The following ZDHHC21 variants were observed in gnomAD, a reference collection of about 807,000 sequenced individuals.
ZDHHC21 encodes palmitoyltransferase ZDHHC21.
In ZDHHC21, 15 loss-of-function variants were observed where a neutral mutation model predicts 34.6. The observed-to-expected ratio is 0.43, with a 90% CI of 0.29 to 0.67. The LOEUF is 0.67. ZDHHC21 is among the 30% of genes least tolerant of loss of function. The pLI, the probability that ZDHHC21 is intolerant of heterozygous loss-of-function variation, is 0.14. For synonymous variants in ZDHHC21, 142 were observed against 101.8 expected (o/e 1.40, Z -2.38); for missense variants, 344 against 327.7 (o/e 1.05, Z -0.38).
At chr9:14,673,856 A>C (rs1253828237) in intron 4 of ZDHHC21, among the ~76,000 whole-genome samples, 1 of 152,072 alleles carries the variant, frequency 6.6e-6, no homozygotes, top group Admixed American at 6.6e-5. Context: ...TCTATTCTTA[A>C]AACATCTACA....
At chr9:14,601,752 T>G in the ZDHHC21 span, among the ~76,000 whole-genome samples, 1 of 152,140 alleles carries the variant, frequency 6.6e-6, no homozygotes, top group Admixed American at 6.5e-5. Context: ...AACCCAGTTG[T>G]GCATCAATGA....
intron 8 of ZDHHC21, among the ~76,000 whole-genome samples, chr9:14,627,640 G>T (rs370217427): frequency 6.6e-6 from 1 of 152,084 alleles, no homozygotes; most frequent in East Asian, 1.9e-4. Flanking sequence ...AAACAAAAAT[G>T]CTTGTATATA....
intron 8 of ZDHHC21, among the ~76,000 whole-genome samples, chr9:14,639,509 G>T (rs1229590783): frequency 2.6e-5 from 4 of 152,008 alleles, no homozygotes; most frequent in Non-Finnish European, 5.9e-5. Context: ...GACTTGAAAT[G>T]TTCCTAATAT....
intron 7 of ZDHHC21, among the ~76,000 whole-genome samples, chr9:14,646,025 C>G (rs1250136099): frequency 6.6e-6 from 1 of 152,100 alleles, no homozygotes; most frequent in Non-Finnish European, 1.5e-5. Flanking sequence ...ACCACTTAAC[C>G]TTCGAACACC....
chr9:14,643,662 C>T (rs1354452592), intron 7 of ZDHHC21, among the ~76,000 whole-genome samples: 1 of 152,136 alleles, frequency 6.6e-6, no homozygotes, highest in East Asian at 1.9e-4. Context: ...TTTTGCCTTT[C>T]ACATTTAGGT....
Position 14,662,280 on chromosome 9 carries a change from T to A in ZDHHC21, c.300A>T (p.Pro100=). 1 of 1,612,866 alleles carries A rather than the reference T, an allele frequency of 6.2e-7. No homozygotes were observed. The highest frequency in any genetic ancestry group is 8.5e-7 in the Non-Finnish European group (1 of 1,179,562). The part of the protein sequence containing the change: ...ELCNKCNLMR[P]KRSHHCSRCG... ...AGCGGCTACAGTGATGGGAACGCTTTGGTCTCATCAAATTACACTTGTTAC... is the reference window on the plus strand; with the variant it reads ...AGCGGCTACAGTGATGGGAACGCTTAGGTCTCATCAAATTACACTTGTTAC... Residue 100 remains proline, a synonymous_variant, in exon 6 of 10, where the codon CCA becomes CCT. Coordinates refer to ENST00000380916, the MANE Select transcript of ZDHHC21 (RefSeq NM_178566.6).
Position 14,672,842 on chromosome 9 carries a change from T to C in ZDHHC21, c.241A>G (p.Ile81Val). 11 of 1,607,436 alleles carry C rather than the reference T, an allele frequency of 6.8e-6. No individual in the cohort carries two copies. The highest frequency in any genetic ancestry group is 9.4e-6 in the Non-Finnish European group (11 of 1,175,546). The change falls in exon 5 of 10, where the codon ATC (isoleucine) becomes GTC (valine). Residue 81 changes from isoleucine (I) to valine (V), a missense_variant. Transcript: ENST00000380916. ...DPGRLPENPK[I>V]PHGEREFWEL... ...CAGAGTACCATACCTCCATGTGGGATCTTGGGGTTCTCAGGGAGTCTTCCT... is the reference window on the plus strand; with the variant it reads ...CAGAGTACCATACCTCCATGTGGGACCTTGGGGTTCTCAGGGAGTCTTCCT...
chr9:14,605,728 T>C, the ZDHHC21 span, among the ~76,000 whole-genome samples: 1 of 152,358 alleles, frequency 6.6e-6, no homozygotes, highest in African/African-American at 2.4e-5. Flanking sequence ...TTGTTGCTTG[T>C]GCTTTTGGTG....
chr9:14,639,930 C>G lies in ZDHHC21; in HGVS notation c.587G>C (p.Gly196Ala). 1 of 1,606,034 alleles carries G rather than the reference C, an allele frequency of 6.2e-7. No individual in the cohort carries two copies. The highest frequency in any genetic ancestry group is 8.5e-7 in the Non-Finnish European group (1 of 1,175,348). ...GCCAATTAGTTGAGTGTAAAAGAGTCCAGTTATTCCAACTAACATAGTAAT... is the reference window on the plus strand; with the variant it reads ...GCCAATTAGTTGAGTGTAAAAGAGTGCAGTTATTCCAACTAACATAGTAAT... Reference protein sequence around the residue: ...MGITMLVGITGLFYTQLIGII... With the variant: ...MGITMLVGITALFYTQLIGII... The change falls in exon 8 of 10, where the codon GGA becomes GCA. Residue 196 changes from glycine to alanine, a missense_variant. Physicochemically the swap from Gly to Ala is moderately conservative, Grantham distance 60. Coordinates refer to ENST00000380916, the MANE Select transcript of ZDHHC21 (RefSeq NM_178566.6).
At chr9:14,643,364 C>G (rs1047184665) in intron 7 of ZDHHC21, among the ~76,000 whole-genome samples, 1 of 152,164 alleles carries the variant, frequency 6.6e-6, no homozygotes, top group Non-Finnish European at 1.5e-5. Context: ...CTGGCTCTCC[C>G]TCACCCCTAC....
intron 8 of ZDHHC21, among the ~76,000 whole-genome samples, chr9:14,632,754 G>T (rs888112036): frequency 2.2e-4 from 33 of 151,806 alleles, no homozygotes; most frequent in Non-Finnish European, 1.2e-4. Context: ...TAACTCAACA[G>T]TAAAATGGCA....
chr9:14,619,098 T>C lies in ZDHHC21; in HGVS notation c.666A>G (p.Ile222Met). 1 of 1,606,350 alleles carries C rather than the reference T, an allele frequency of 6.2e-7. No individual in the cohort carries two copies. The highest frequency in any genetic ancestry group is 8.5e-7 in the Non-Finnish European group (1 of 1,176,626). Reference protein sequence around the residue: ...IEKMSNCCEDISRPRKPWQQT... With the variant: ...IEKMSNCCEDMSRPRKPWQQT... ...GCTGCCATGGCTTTCGGGGCCTCGATCTACAGAAGACAGCATTATTAGTGA... is the reference window on the plus strand; with the variant it reads ...GCTGCCATGGCTTTCGGGGCCTCGACCTACAGAAGACAGCATTATTAGTGA... The change falls in exon 10 of 10, where the codon ATA becomes ATG. Residue 222 changes from isoleucine to methionine, a missense_variant and splice_region_variant. Coordinates refer to ENST00000380916, the MANE Select transcript of ZDHHC21 (RefSeq NM_178566.6).
intron 1 of ZDHHC21, 130 bp downstream of exon 1, chr9:14,693,099 G>A (rs1185656526): frequency 4.7e-6 from 1 of 213,078 alleles, no homozygotes; most frequent in Non-Finnish European, 9.5e-6. Flanking sequence ...AGGAACAGGT[G>A]AGGGCGTCCC....
At chr9:14,672,267 T>G (rs1459325763) in intron 5 of ZDHHC21, among the ~76,000 whole-genome samples, 1 of 152,146 alleles carries the variant, frequency 6.6e-6, no homozygotes, top group Admixed American at 6.6e-5. Flanking sequence ...GTCACTATTC[T>G]ACAGTTTCAA....
chr9:14,643,846 T>G (rs1249797447), intron 7 of ZDHHC21, among the ~76,000 whole-genome samples: 4 of 152,188 alleles, frequency 2.6e-5, no homozygotes, highest in Non-Finnish European at 1.5e-5. Context: ...CTCTCTACTC[T>G]TGTTCCCTTG....
chr9:14,619,495 G>T, intron 9 of ZDHHC21, 144 bp downstream of exon 9: 2 of 647,372 alleles, frequency 3.1e-6, no homozygotes. Flanking sequence ...TAAGACTGGG[G>T]TAGCTTGCCT....
At chr9:14,619,427 G>A (rs1271134283) in intron 9 of ZDHHC21, among the ~76,000 whole-genome samples, 2 of 151,982 alleles carry the variant, frequency 1.3e-5, no homozygotes, top group African/African-American at 2.4e-5. Context: ...GTTAGACAAG[G>A]CACAAGAATG....
At chr9:14,672,724 G>T in intron 5 of ZDHHC21, 106 bp downstream of exon 5, 2 of 697,146 alleles carry the variant, frequency 2.9e-6, no homozygotes, top group Non-Finnish European at 4.6e-6. Flanking sequence ...ACATCAAAGT[G>T]GTGTTAGATG....
the ZDHHC21 span, among the ~76,000 whole-genome samples, chr9:14,591,771 T>C: frequency 9.2e-5 from 14 of 152,192 alleles, no homozygotes; most frequent in Admixed American, 2.6e-4. Context: ...AAGTTACTGA[T>C]ATAAAATTAT....
Sources: allele counts gnomAD v4.1 joint callset (sites outside exome capture counted in the v4.1 genomes callset), GRCh38; gene constraint gnomAD v4.1.1; transcripts MANE v1.5; gene names NCBI Gene and HGNC (gene_info 2026-07-23, HGNC 2026-07-21).